The following ARHGAP10 variants were observed in gnomAD, a reference collection of about 807,000 sequenced individuals.
ARHGAP10 encodes Rho GTPase activating protein 10, also known as rho GTPase-activating protein 10.
ARHGAP10 carries 87 observed loss-of-function variants against 108.6 expected under a neutral mutation model. The ratio of observed to expected loss-of-function variants is 0.80; its 90% confidence interval spans 0.67 to 0.96. The LOEUF (loss-of-function observed/expected upper bound fraction) is 0.96. Among genes scored for constraint, ARHGAP10 ranks in the 40% least tolerant of loss-of-function variants. The pLI is 0.00. For synonymous variants in ARHGAP10, 347 were observed against 341.1 expected, an observed-to-expected ratio of 1.02 and a Z score of -0.19; for missense variants, 939 against 954.5, an observed-to-expected ratio of 0.98 and a Z score of 0.21.
At chr4:147,919,865 C>T (rs1260368414) in intron 13 of ARHGAP10, among the ~76,000 whole-genome samples, 1 of 151,806 alleles carries the variant, frequency 6.6e-6, no homozygotes, top group Non-Finnish European at 1.5e-5. Flanking sequence ...CAGGCATGAG[C>T]CACTGTACCT....
In ARHGAP10 at chr4:148,055,740, T is replaced by G. The variant is rs1434527741; in HGVS notation, c.2028-7408T>G. 2.0e-5 allele frequency among the ~76,000 whole-genome samples: 3 copies of G among 152,144 alleles called. No homozygotes were observed. In the East Asian group the frequency reaches 5.8e-4, roughly 29 times the overall value. On this transcript the variant is annotated intron_variant, in intron 20 of 22. Coordinates refer to ENST00000336498, the MANE Select transcript of ARHGAP10 (RefSeq NM_024605.4). ...TTCTCAAAGGTGAACAAGTTACTGC[T>G]TTTACGTGCTGGCTTCATGTATTGG...
Position 148,064,409 on chromosome 4 carries a change from T to C in ARHGAP10, c.2181-7T>C. 6 of 1,613,190 alleles carry C rather than the reference T, an allele frequency of 3.7e-6. No homozygotes were observed. Among genetic ancestry groups the C allele is most frequent in the South Asian group, 1.1e-5 (1 of 90,878 alleles). ...ATTGGTGTCTTTTGTATTCTCTTTC[T>C]TTTCAGCATCCGCAGTCGGAAGGCT... On this transcript the variant is annotated splice_polypyrimidine_tract_variant and splice_region_variant and intron_variant, in intron 21 of 22. Transcript: ENST00000336498.
intron 8 of ARHGAP10, among the ~76,000 whole-genome samples, chr4:147,876,098 A>G (rs918488422): frequency 6.6e-6 from 1 of 152,240 alleles, no homozygotes; most frequent in Admixed American, 6.5e-5. Context: ...GTTACAGGGT[A>G]TCTGTGCTTT....
intron 13 of ARHGAP10, among the ~76,000 whole-genome samples, chr4:147,915,929 C>A (rs750797572): frequency 6.6e-6 from 1 of 152,066 alleles, no homozygotes; most frequent in Non-Finnish European, 1.5e-5. Flanking sequence ...CATAGCATGA[C>A]CCTGTCTGTA....
intron 1 of ARHGAP10, among the ~76,000 whole-genome samples, chr4:147,742,476 CTTTTTTTTTTTTT>C (rs11420720): frequency 3.5e-5 from 3 of 86,498 alleles, no homozygotes; most frequent in African/African-American, 1.5e-4. Context: ...TCTGTGAACA[CTTTTTTTTTTTTT>C]TTTTTTTTTT....
At chr4:147,761,493 G>T (rs1037440869) in intron 1 of ARHGAP10, among the ~76,000 whole-genome samples, 2 of 152,098 alleles carry the variant, frequency 1.3e-5, no homozygotes, top group Non-Finnish European at 2.9e-5. Context: ...CAACCTTGTG[G>T]GTCTGAAGCA....
rs779370013 is a variant in ARHGAP10 at position 148,046,883 on chromosome 4, T to C, written c.1868-9T>C. The C allele has an allele frequency of 1.9e-6, 3 of 1,604,826 alleles. No homozygotes were observed. The highest frequency in any genetic ancestry group is 1.7e-4 in the Middle Eastern group (1 of 6,008). ...TTTGTTTGATATTCAATGCTTTTTT[T>C]CCTCCTAGGTGACAATCCTTACCCT... On this transcript the variant is annotated splice_polypyrimidine_tract_variant and intron_variant, in intron 19 of 22. Transcript: ENST00000336498.
chr4:147,912,600 A>AT (rs1736802021), intron 12 of ARHGAP10, among the ~76,000 whole-genome samples: 1 of 138,450 alleles, frequency 7.2e-6, no homozygotes, highest in Non-Finnish European at 1.5e-5. Flanking sequence ...TATATATATA[A>AT]AATTCCTGTG....
Position 147,886,163 on chromosome 4 carries a change from C to T in ARHGAP10, c.1034+4231C>T, listed in dbSNP as rs1464194343. 2.0e-5 allele frequency among the ~76,000 whole-genome samples: 3 copies of T among 152,100 alleles called. No homozygotes were observed. The East Asian group carries it at 5.8e-4, about 29-fold the overall frequency. ...TTCGTATGTGCAAATATTCTAAAAT[C>T]CAAAAAAAATTGAAATCCAGAACCC... On this transcript the variant is annotated intron_variant, in intron 10 of 22. Coordinates refer to ENST00000336498, the MANE Select transcript of ARHGAP10 (RefSeq NM_024605.4).
chr4:147,845,480 A>T (rs77995339), intron 3 of ARHGAP10, among the ~76,000 whole-genome samples: 9,611 of 152,210 alleles, frequency 0.063, 966 homozygotes, highest in African/African-American at 0.21. Flanking sequence ...GTTTATTAAG[A>T]TGGCAACTTT....
rs1037090083 is a variant in ARHGAP10 at position 148,015,040 on chromosome 4, C to T, written c.1717-8223C>T. 2.6e-5 allele frequency among the ~76,000 whole-genome samples: 4 copies of T among 152,268 alleles called. No homozygotes were observed. The East Asian group carries it at 7.7e-4, about 29-fold the overall frequency. On this transcript the variant is annotated intron_variant, in intron 18 of 22. Coordinates refer to ENST00000336498, the MANE Select transcript of ARHGAP10 (RefSeq NM_024605.4). ...ACTGGCAGGGAAATATCTCCTGTTC[C>T]CTTATTCCCTCTCTTTTCTCCTGGC...
chr4:147,738,740 C>T (rs530463357), intron 1 of ARHGAP10, among the ~76,000 whole-genome samples: 1 of 152,234 alleles, frequency 6.6e-6, no homozygotes, highest in African/African-American at 2.4e-5. Flanking sequence ...GCACCCTAGA[C>T]CAGGTATCTA....
At chr4:147,872,339 A>T (rs1024852166) in intron 7 of ARHGAP10, among the ~76,000 whole-genome samples, 3 of 152,210 alleles carry the variant, frequency 2.0e-5, no homozygotes, top group African/African-American at 7.2e-5. Context: ...ACTGTCTGGG[A>T]AAAAATTCAC....
intron 3 of ARHGAP10, among the ~76,000 whole-genome samples, chr4:147,838,247 A>G (rs1486163997): frequency 6.6e-6 from 1 of 152,104 alleles, no homozygotes; most frequent in Non-Finnish European, 1.5e-5. Flanking sequence ...TGATGCTTTC[A>G]CTGGAAATTT....
chr4:147,873,722 A>ACACACACACACACACACT (rs775092505), intron 7 of ARHGAP10, among the ~76,000 whole-genome samples: 12 of 144,450 alleles, frequency 8.3e-5, no homozygotes, highest in East Asian at 4.1e-4. Flanking sequence ...ACACACACAC[A>ACACACACACACACACACT]CTCTTGGCCT....
intron 10 of ARHGAP10, among the ~76,000 whole-genome samples, chr4:147,893,038 T>C (rs1443992976): frequency 6.6e-6 from 1 of 151,978 alleles, no homozygotes; most frequent in Non-Finnish European, 1.5e-5. Flanking sequence ...CCCCTACAAA[T>C]ACTTGTGGAA....
intron 15 of ARHGAP10, among the ~76,000 whole-genome samples, 153 bp downstream of exon 15, chr4:147,946,857 AG>A (rs1206946567): frequency 6.6e-6 from 1 of 152,250 alleles, no homozygotes; most frequent in Non-Finnish European, 1.5e-5. Context: ...CCAGAAAGAA[AG>A]GTAACTAGTA....
At chr4:147,915,974 T>C (rs938083083) in intron 13 of ARHGAP10, among the ~76,000 whole-genome samples, 1 of 152,146 alleles carries the variant, frequency 6.6e-6, no homozygotes, top group Admixed American at 6.5e-5. Flanking sequence ...CTGAGTGTTA[T>C]AGTGTTTGCT....
chr4:147,745,919 T>C (rs1728897959), intron 1 of ARHGAP10, among the ~76,000 whole-genome samples: 1 of 151,546 alleles, frequency 6.6e-6, no homozygotes, highest in African/African-American at 2.4e-5. Context: ...CCTGAGTAGC[T>C]GGGATTACCG....
Sources: gnomAD v4.1 joint callset for allele counts (sites outside exome capture counted in the v4.1 genomes callset) on GRCh38, gnomAD v4.1.1 for gene constraint, MANE v1.5 for transcripts, NCBI Gene and HGNC (gene_info 2026-07-23, HGNC 2026-07-21) for gene names.